The following SEMA6A variants were observed in gnomAD, a reference collection of about 807,000 sequenced individuals.
SEMA6A encodes the protein semaphorin-6A.
In SEMA6A, 25 loss-of-function variants were observed where a neutral mutation model predicts 96.8. The ratio of observed to expected loss-of-function variants is 0.26; its 90% CI spans 0.19 to 0.36. SEMA6A has a LOEUF of 0.36. Ranked by LOEUF, SEMA6A falls within the 10% of genes least tolerant of loss-of-function variation. SEMA6A has a pLI of 1.00. For missense variants in SEMA6A, 1,363 were observed against 1,323.1 expected, an observed-to-expected ratio of 1.03 and a Z score of -0.47; for synonymous variants, 612 against 518.0, an observed-to-expected ratio of 1.18 and a Z score of -2.46.
Position 116,533,142 on chromosome 5 carries a change from T to C in SEMA6A, c.-38-28160A>G, listed in dbSNP as rs76054409. ...AATTCAAACTATGCAAAGCTTTGAG[T>C]TAATTGCTAAGTCAACATTTCAAAA... On this transcript the variant is annotated intron_variant, in intron 1 of 18. Coordinates refer to ENST00000343348, the MANE Select transcript of SEMA6A (RefSeq NM_020796.5). Among the ~76,000 whole-genome samples the C allele has an allele frequency of 3.0e-3, 454 of 152,304 alleles. 2 individuals are homozygous for C. The highest frequency in any genetic ancestry group is 3.1e-3 in the Non-Finnish European group (209 of 68,036).
chr5:116,519,029 A>G (rs890370805), intron 1 of SEMA6A, among the ~76,000 whole-genome samples: 4 of 152,174 alleles, frequency 2.6e-5, no homozygotes, highest in Non-Finnish European at 5.9e-5. Flanking sequence ...CTAAAATGTT[A>G]TGCAAGAATA....
rs1756612587 is a variant in SEMA6A, at chr5:116,478,943, T to TGA, written c.1251-226_1251-225insTC. ...AGGTGTGAGAGAGTGTGTGTGTGTG[T>TGA]GTGTGTGTGTGTGTGTGTGTTTGCA... On this transcript the variant is annotated intron_variant, in intron 12 of 18. Coordinates refer to ENST00000343348, the MANE Select transcript of SEMA6A (RefSeq NM_020796.5). Among the ~76,000 whole-genome samples, 7 of 151,662 alleles carry TGA rather than the reference T, an allele frequency of 4.6e-5. No individual in the cohort carries two copies. The South Asian group carries it at 1.5e-3, about 32-fold the overall frequency.
chr5:116,484,260 C>T (rs538670159), intron 10 of SEMA6A, among the ~76,000 whole-genome samples: 2 of 152,074 alleles, frequency 1.3e-5, no homozygotes, highest in Admixed American at 6.5e-5. Context: ...TGATGCACCT[C>T]GTAATAACTA....
At chr5:116,551,317 T>C (rs867630699) in intron 1 of SEMA6A, among the ~76,000 whole-genome samples, 19 of 142,524 alleles carry the variant, frequency 1.3e-4, no homozygotes, top group East Asian at 1.1e-3. Flanking sequence ...AGTCTTAGCA[T>C]ACACACACAC....
intron 2 of SEMA6A, chr5:116,502,609 T>G (rs879346761): frequency 8.5e-6 from 3 of 354,644 alleles, no homozygotes; most frequent in Non-Finnish European, 1.5e-5. Flanking sequence ...AGGGCTCAAC[T>G]CGCTAGTGAA....
At chr5:116,452,068 G>C (rs1754675710) in intron 18 of SEMA6A, among the ~76,000 whole-genome samples, 1 of 152,276 alleles carries the variant, frequency 6.6e-6, no homozygotes, top group South Asian at 2.1e-4. Context: ...CCCTGGGCAA[G>C]TAAAGGGCCC....
rs1756537349 is a variant in SEMA6A, at chr5:116,477,858, G to A, written c.1637C>T (p.Ser546Leu). The part of the protein sequence containing the change: ...IKEGGACSHL[S>L]PNSRLTFEQD... ...TCAGGCTGCCTACCTGCTGTTGGGT[G>A]ATAAATGGCTGCAGGCACCACCTTC... Residue 546 changes from serine to leucine, a missense_variant, in exon 15 of 19, where the codon TCA (serine) becomes TTA (leucine). This residue lies in a region of SEMA6A where 883 missense variants were observed against 763.6 expected (regional missense o/e 1.16). Coordinates refer to ENST00000343348, the MANE Select transcript of SEMA6A (RefSeq NM_020796.5). 1 of 1,613,870 alleles carries A rather than the reference G, an allele frequency of 6.2e-7. No individual in the cohort carries two copies. Among genetic ancestry groups the A allele is most frequent in the East Asian group, 2.2e-5 (1 of 44,880 alleles).
intron 1 of SEMA6A, among the ~76,000 whole-genome samples, chr5:116,507,391 G>A (rs908226118): frequency 1.3e-5 from 2 of 152,064 alleles, no homozygotes; most frequent in Non-Finnish European, 2.9e-5. Flanking sequence ...TGATTACTTT[G>A]CGGAGGGATC....
intron 17 of SEMA6A, among the ~76,000 whole-genome samples, chr5:116,471,945 C>T (rs1756171335): frequency 6.6e-6 from 1 of 151,926 alleles, no homozygotes; most frequent in South Asian, 2.1e-4. Flanking sequence ...TTCTCCCTCC[C>T]TTATTTACCT....
intron 1 of SEMA6A, among the ~76,000 whole-genome samples, chr5:116,513,158 G>A (rs772735740): frequency 1.7e-4 from 25 of 151,298 alleles, no homozygotes; most frequent in Non-Finnish European, 2.9e-4. Flanking sequence ...ACGGAGTTTC[G>A]CTCTTGTTGT....
intron 1 of SEMA6A, chr5:116,563,024 A>G: frequency 1.0e-5 from 5 of 496,146 alleles, no homozygotes; most frequent in South Asian, 1.6e-5. Context: ...ACAAGACAAG[A>G]CTCCTCAAAA....
At chr5:116,509,455 T>G (rs1758304232) in intron 1 of SEMA6A, among the ~76,000 whole-genome samples, 2 of 152,212 alleles carry the variant, frequency 1.3e-5, no homozygotes, top group South Asian at 4.1e-4. Flanking sequence ...GGCGTTGACC[T>G]TGGGCAAGTT....
At position 116,444,160 on chromosome 5, in the gene SEMA6A, G is replaced by T. The variant is rs1754047350; in HGVS notation, c.*2453C>A. 1 of 151,652 alleles carries T rather than the reference G, an allele frequency of 6.6e-6. No individual in the cohort carries two copies. The highest frequency in any genetic ancestry group is 2.4e-5 in the African/African-American group (1 of 41,244). The allele number at this position is 151,652 out of a possible 1,614,324, so 9.4% of individuals were successfully genotyped here. A position where few individuals can be genotyped will look rare whatever the true frequency, so the allele number is the denominator to read the frequency against. Reference sequence around the variant, plus strand: ...TTCAAGGAAGAAAACAATATTTCAGGTTCTAGGAAATACTTCAGGGTTTCA... The same window carrying T: ...TTCAAGGAAGAAAACAATATTTCAGTTTCTAGGAAATACTTCAGGGTTTCA... On this transcript the variant is annotated 3_prime_UTR_variant, in exon 19 of 19. Coordinates refer to ENST00000343348, the MANE Select transcript of SEMA6A (RefSeq NM_020796.5).
At chr5:116,473,858 C>A (rs1756300664) in intron 16 of SEMA6A, among the ~76,000 whole-genome samples, 1 of 152,170 alleles carries the variant, frequency 6.6e-6, no homozygotes, top group Non-Finnish European at 1.5e-5. Flanking sequence ...AGAGGGGCAG[C>A]CTTACCTCCT....
chr5:116,466,895 G>C (rs142844291), intron 18 of SEMA6A, among the ~76,000 whole-genome samples: 249 of 152,292 alleles, frequency 1.6e-3, no homozygotes, highest in Non-Finnish European at 2.7e-3. Flanking sequence ...CAAATGGCAA[G>C]AAAAGAGATG....
At position 116,446,301 on chromosome 5, in the gene SEMA6A, G is replaced by A. The variant is rs1754203193; in HGVS notation, c.*312C>T. Reference sequence around the variant, plus strand: ...GTGTGTGTGTGGGGGTGGGGGATGGGGTAGGTATGTGCTTTTGGCTCATGT... The same window carrying A: ...GTGTGTGTGTGGGGGTGGGGGATGGAGTAGGTATGTGCTTTTGGCTCATGT... On this transcript the variant is annotated 3_prime_UTR_variant, in exon 19 of 19. Transcript: ENST00000343348. The A allele has an allele frequency of 3.8e-6, 1 of 264,980 alleles. No homozygotes were observed. The highest frequency in any genetic ancestry group is 7.2e-6 in the Non-Finnish European group (1 of 139,822). The allele number at this position is 264,980 out of a possible 1,614,324, so 16.4% of individuals were successfully genotyped here.
chr5:116,494,555 G>A (rs1757487783), intron 6 of SEMA6A, among the ~76,000 whole-genome samples: 1 of 152,148 alleles, frequency 6.6e-6, no homozygotes, highest in Non-Finnish European at 1.5e-5. Context: ...CTCACCTCAT[G>A]CATGGCAGGA....
At chr5:116,532,949 T>C (rs1382995701) in intron 1 of SEMA6A, among the ~76,000 whole-genome samples, 1 of 152,148 alleles carries the variant, frequency 6.6e-6, no homozygotes, top group African/African-American at 2.4e-5. Context: ...CAGTTTATAA[T>C]TTACAAAGTG....
At chr5:116,449,781 C>T (rs1418101806) in intron 18 of SEMA6A, 1 of 157,212 alleles carries the variant, frequency 6.4e-6, no homozygotes, top group Non-Finnish European at 1.4e-5. Context: ...AAAAGGCAGT[C>T]AAGGCAATTC....
Sources: gnomAD v4.1 joint callset for allele counts (sites outside exome capture counted in the v4.1 genomes callset) on GRCh38, gnomAD v4.1.1 for gene constraint, gnomAD v4.1.1 regional missense constraint, MANE v1.5 for transcripts, NCBI Gene and HGNC (gene_info 2026-07-23, HGNC 2026-07-21) for gene names.